SLC35D4: variants seen among roughly 807,000 people sequenced by gnomAD.
SLC35D4 encodes solute carrier family 35 member D4.
chr18:23,436,152 T>C, the SLC35D4 span, among the ~76,000 whole-genome samples: 2 of 150,784 alleles, frequency 1.3e-5, no homozygotes, highest in Non-Finnish European at 2.9e-5. Flanking sequence ...CTCAGCCACC[T>C]GAGTAGCTGG....
the SLC35D4 span, among the ~76,000 whole-genome samples, chr18:23,287,850 C>G: frequency 6.6e-6 from 1 of 152,192 alleles, no homozygotes; most frequent in Non-Finnish European, 1.5e-5. Context: ...CGTCCTGTAG[C>G]CTTTTTGTCC....
the SLC35D4 span, among the ~76,000 whole-genome samples, chr18:23,275,783 G>A: frequency 6.6e-6 from 1 of 152,060 alleles, no homozygotes; most frequent in African/African-American, 2.4e-5. Context: ...TCCCATCCCT[G>A]GTGGGCTGCT....
the SLC35D4 span, among the ~76,000 whole-genome samples, chr18:23,334,655 T>C: frequency 1.3e-5 from 2 of 152,122 alleles, no homozygotes; most frequent in South Asian, 4.1e-4. Context: ...CAAACATCTT[T>C]ATCTAAAGAA....
the SLC35D4 span, among the ~76,000 whole-genome samples, chr18:23,282,147 C>T: frequency 1.1e-3 from 165 of 152,322 alleles, 1 homozygote; most frequent in Middle Eastern, 0.014. Context: ...AATCAGGGCA[C>T]GAAGACACAT....
chr18:23,280,948 C>T, the SLC35D4 span, among the ~76,000 whole-genome samples: 5 of 152,228 alleles, frequency 3.3e-5, no homozygotes, highest in East Asian at 3.9e-4. Context: ...CTCCCACCCA[C>T]GCCTCTCCCC....
At chr18:23,404,470 C>G in the SLC35D4 span, among the ~76,000 whole-genome samples, 1 of 151,424 alleles carries the variant, frequency 6.6e-6, no homozygotes, top group Admixed American at 6.6e-5. Flanking sequence ...GTCAGGAGAT[C>G]GAGACCATCC....
the SLC35D4 span, among the ~76,000 whole-genome samples, chr18:23,313,529 G>A: frequency 6.6e-5 from 10 of 152,136 alleles, no homozygotes; most frequent in African/African-American, 2.4e-4. Context: ...CATCCAGGAT[G>A]ATCAGTAATT....
chr18:23,354,542 G>T, the SLC35D4 span, among the ~76,000 whole-genome samples: 19 of 148,412 alleles, frequency 1.3e-4, no homozygotes, highest in Admixed American at 1.3e-3. Flanking sequence ...AAAAAGATGT[G>T]CCAGGCACTG....
chr18:23,303,543 C>T, the SLC35D4 span, among the ~76,000 whole-genome samples: 1 of 152,192 alleles, frequency 6.6e-6, no homozygotes, highest in African/African-American at 2.4e-5. Context: ...TTCTTTGGCT[C>T]ATTTTGAAAT....
chr18:23,337,172 G>C, the SLC35D4 span, among the ~76,000 whole-genome samples: 1 of 149,506 alleles, frequency 6.7e-6, no homozygotes, highest in African/African-American at 2.5e-5. Context: ...TTAGTGAAGG[G>C]TAAAAAATTA....
At chr18:23,306,691 A>C in the SLC35D4 span, among the ~76,000 whole-genome samples, 1 of 152,250 alleles carries the variant, frequency 6.6e-6, no homozygotes, top group Non-Finnish European at 1.5e-5. Context: ...ACTGGTAAAG[A>C]AATGTAAAAA....
At chr18:23,270,746 C>T in the SLC35D4 span, among the ~76,000 whole-genome samples, 7 of 152,178 alleles carry the variant, frequency 4.6e-5, no homozygotes, top group East Asian at 1.9e-4. Context: ...CCTACACAGC[C>T]GGCTCTGTGT....
At chr18:23,318,907 G>T in the SLC35D4 span, among the ~76,000 whole-genome samples, 10 of 151,930 alleles carry the variant, frequency 6.6e-5, no homozygotes, top group African/African-American at 2.4e-4. Context: ...ACTGTAGCAC[G>T]ATCTTGGCTC....
chr18:23,307,577 G>C, the SLC35D4 span, among the ~76,000 whole-genome samples: 1 of 150,168 alleles, frequency 6.7e-6, no homozygotes. Context: ...GTCCTAATAA[G>C]TTCAGAAGGC....
chr18:23,346,135 G>GT, the SLC35D4 span, among the ~76,000 whole-genome samples: 1 of 151,970 alleles, frequency 6.6e-6, no homozygotes, highest in East Asian at 1.9e-4. Context: ...AGTAAAACTA[G>GT]TTTTATTTAT....
At chr18:23,345,375 A>C in the SLC35D4 span, among the ~76,000 whole-genome samples, 2 of 151,280 alleles carry the variant, frequency 1.3e-5, no homozygotes, top group Admixed American at 6.6e-5. Context: ...CCAGCTGCTC[A>C]GGAGGCTGAG....
the SLC35D4 span, among the ~76,000 whole-genome samples, chr18:23,341,673 T>G: frequency 6.6e-6 from 1 of 152,232 alleles, no homozygotes; most frequent in South Asian, 2.1e-4. Context: ...GATGTGTAGG[T>G]GGTTCAAAGA....
At chr18:23,284,349 A>G in the SLC35D4 span, among the ~76,000 whole-genome samples, 1 of 152,144 alleles carries the variant, frequency 6.6e-6, no homozygotes, top group South Asian at 2.1e-4. Flanking sequence ...CATCTACATA[A>G]CAAGAATCTG....
the SLC35D4 span, among the ~76,000 whole-genome samples, chr18:23,366,493 G>A: frequency 3.3e-5 from 5 of 152,306 alleles, no homozygotes; most frequent in Admixed American, 2.6e-4. Flanking sequence ...TCTAAACCCT[G>A]GCTGCATATC....
Sources: allele counts gnomAD v4.1 joint callset (sites outside exome capture counted in the v4.1 genomes callset), GRCh38; gene constraint gnomAD v4.1.1; transcripts MANE v1.5; gene names NCBI Gene and HGNC (gene_info 2026-07-23, HGNC 2026-07-21).